The following EBF2 variants were observed in gnomAD, a reference collection of about 807,000 sequenced individuals.
The protein encoded by EBF2 is transcription factor COE2.
Under a neutral mutation model 72.8 loss-of-function variants are expected in EBF2, and 21 were observed. The ratio of observed to expected loss-of-function variants is 0.29; its 90% CI spans 0.20 to 0.42. EBF2 has a LOEUF of 0.42. EBF2 is among the 10% of genes least tolerant of loss of function. The pLI, the probability that EBF2 is intolerant of heterozygous loss-of-function variation, is 1.00. For missense variants in EBF2, 637 were observed against 731.2 expected, an observed-to-expected ratio of 0.87 and a Z score of 1.49; for synonymous variants, 299 against 274.2, an observed-to-expected ratio of 1.09 and a Z score of -0.89.
chr8:25,989,255 G>A (rs879367209), intron 6 of EBF2, among the ~76,000 whole-genome samples: 1 of 152,162 alleles, frequency 6.6e-6, no homozygotes, highest in Non-Finnish European at 1.5e-5. Context: ...GTAGGAAGAG[G>A]CCCTTCTCTG....
chr8:25,890,159 A>G (rs1363446005), intron 7 of EBF2, among the ~76,000 whole-genome samples: 7 of 152,214 alleles, frequency 4.6e-5, no homozygotes, highest in Admixed American at 2.6e-4. Flanking sequence ...CTGGTTCTCT[A>G]TCAAAAGACC....
At chr8:26,040,591 A>C in intron 4 of EBF2, 25 bp downstream of exon 4, 1 of 1,550,786 alleles carries the variant, frequency 6.4e-7, no homozygotes, top group South Asian at 1.2e-5. Flanking sequence ...ACAGGCGAAG[A>C]GAAGCCAAGT....
At chr8:26,029,821 C>T (rs572500760) in intron 6 of EBF2, among the ~76,000 whole-genome samples, 56 of 152,280 alleles carry the variant, frequency 3.7e-4, no homozygotes, top group African/African-American at 1.2e-3. Context: ...GGCAGATGGA[C>T]GCAGAGACCA....
At chr8:25,984,868 G>T (rs1804422236) in intron 6 of EBF2, among the ~76,000 whole-genome samples, 1 of 151,606 alleles carries the variant, frequency 6.6e-6, no homozygotes, top group Admixed American at 6.6e-5. Flanking sequence ...ACCCTTCCTG[G>T]GTGTTCTCAA....
intron 6 of EBF2, among the ~76,000 whole-genome samples, chr8:25,948,936 A>T (rs1357402974): frequency 6.6e-6 from 1 of 152,152 alleles, no homozygotes. Flanking sequence ...CGTGTGAGTC[A>T]TCCAGGAATC....
chr8:25,992,894 C>A (rs1404006197), intron 6 of EBF2, among the ~76,000 whole-genome samples: 2 of 95,060 alleles, frequency 2.1e-5, no homozygotes, highest in African/African-American at 9.1e-5. Context: ...AGAATGAGGC[C>A]TTGTCTCAAA....
chr8:25,956,037 C>A (rs780950840), intron 6 of EBF2, among the ~76,000 whole-genome samples: 1 of 152,186 alleles, frequency 6.6e-6, no homozygotes, highest in South Asian at 2.1e-4. Flanking sequence ...ATGAATGTAC[C>A]TTTTGTCCCC....
At chr8:25,871,189 C>T (rs57451558) in intron 10 of EBF2, among the ~76,000 whole-genome samples, 17,681 of 152,016 alleles carry the variant, frequency 0.12, 1,810 homozygotes, top group African/African-American at 0.27. Context: ...CTTCCCTGGG[C>T]GTTCTCTGGC....
At chr8:25,858,957 C>A (rs1458779630) in intron 13 of EBF2, among the ~76,000 whole-genome samples, 1 of 152,104 alleles carries the variant, frequency 6.6e-6, no homozygotes, top group Non-Finnish European at 1.5e-5. Context: ...GTGCGCCCAG[C>A]CCATCTTCAG....
intron 6 of EBF2, among the ~76,000 whole-genome samples, chr8:25,944,770 A>T (rs1803737971): frequency 6.7e-6 from 1 of 148,398 alleles, no homozygotes; most frequent in African/African-American, 2.5e-5. Context: ...ATTATATATT[A>T]TATTGTGTAT....
In EBF2 at chr8:25,994,953, TA is replaced by T. The variant is rs530440551; in HGVS notation, c.551+38131del. Among the ~76,000 whole-genome samples, 605 of 152,010 alleles carry T rather than the reference TA, an allele frequency of 4.0e-3. 5 individuals carry two copies. The highest frequency in any genetic ancestry group is 0.014 in the African/African-American group (574 of 41,438). On this transcript the variant is annotated intron_variant, in intron 6 of 15. Coordinates refer to ENST00000520164, the MANE Select transcript of EBF2 (RefSeq NM_022659.4). ...AAAAGTTAGAAGGAAAAAAATTAAA[TA>T]AATAAATACCTGGAATAAAATTTCA...
At chr8:25,863,725 TAAC>T (rs1028974674) in intron 10 of EBF2, among the ~76,000 whole-genome samples, 1 of 152,158 alleles carries the variant, frequency 6.6e-6, no homozygotes, top group Non-Finnish European at 1.5e-5. Context: ...TATTCTATCA[TAAC>T]AATGCCTCTT....
chr8:25,917,681 G>C lies in EBF2; in HGVS notation c.552-9126C>G, dbSNP rs140595393. 2.8e-4 allele frequency among the ~76,000 whole-genome samples: 43 copies of C among 152,270 alleles called. No individual in the cohort carries two copies. The East Asian group carries it at 7.4e-3, about 26-fold the overall frequency. ...TACCATGACTCTCGGGTGAAGGAGA[G>C]AAATGAAGTTATTAGTCAGCCATCA... is the stretch of plus-strand genomic sequence containing the variant. On this transcript the variant is annotated intron_variant, in intron 6 of 15. Transcript: ENST00000520164.
intron 6 of EBF2, among the ~76,000 whole-genome samples, chr8:25,924,923 C>T (rs961904976): frequency 6.6e-6 from 1 of 152,208 alleles, no homozygotes; most frequent in Non-Finnish European, 1.5e-5. Context: ...TGCCCAGAAA[C>T]ACACCAGATG....
At chr8:25,899,238 G>GT (rs78193563) in intron 7 of EBF2, among the ~76,000 whole-genome samples, 4,113 of 140,030 alleles carry the variant, frequency 0.029, 94 homozygotes, top group African/African-American at 0.072. Context: ...ACCCTCCACA[G>GT]TTTTTTTTTT....
At chr8:25,990,411 C>G (rs774412725) in intron 6 of EBF2, among the ~76,000 whole-genome samples, 4 of 152,084 alleles carry the variant, frequency 2.6e-5, no homozygotes, top group Non-Finnish European at 5.9e-5. Flanking sequence ...ATCCAAGAAC[C>G]CTCCTCAATG....
At chr8:25,939,732 C>A (rs1050101474) in intron 6 of EBF2, among the ~76,000 whole-genome samples, 3 of 152,140 alleles carry the variant, frequency 2.0e-5, no homozygotes, top group African/African-American at 7.2e-5. Context: ...GTTCTTTCTC[C>A]TTATCTGTGA....
At chr8:25,884,452 G>A (rs1369857289) in intron 10 of EBF2, among the ~76,000 whole-genome samples, 3 of 152,140 alleles carry the variant, frequency 2.0e-5, no homozygotes, top group African/African-American at 4.8e-5. Context: ...TCAGGTCTTC[G>A]CTCCATGTCC....
intron 6 of EBF2, among the ~76,000 whole-genome samples, chr8:25,936,021 T>A (rs943448253): frequency 5.3e-5 from 8 of 152,196 alleles, no homozygotes; most frequent in African/African-American, 1.7e-4. Context: ...CAGAAACTTC[T>A]GCGCATTAGG....
Sources: allele counts gnomAD v4.1 joint callset (sites outside exome capture counted in the v4.1 genomes callset), GRCh38; gene constraint gnomAD v4.1.1; transcripts MANE v1.5; gene names NCBI Gene and HGNC (gene_info 2026-07-23, HGNC 2026-07-21).